The following SHANK2 variants were observed in gnomAD, a reference collection of about 807,000 sequenced individuals.
The protein encoded by SHANK2 is SH3 and multiple ankyrin repeat domains protein 2.
A neutral mutation model predicts 133.7 loss-of-function variants in SHANK2; 43 were observed. That is an observed-to-expected ratio of 0.32 (90% CI 0.25 to 0.41). SHANK2 has a LOEUF of 0.41. SHANK2 is among the 10% of genes least tolerant of loss of function. SHANK2 has a pLI of 1.00. For synonymous variants in SHANK2, 1,017 were observed against 952.8 expected (o/e 1.07, Z -1.24); for missense variants, 1,994 against 2,235.8 (o/e 0.89, Z 2.18).
intron 25 of SHANK2, among the ~76,000 whole-genome samples, chr11:70,483,636 G>A (rs559782076): frequency 3.7e-4 from 56 of 151,428 alleles, no homozygotes; most frequent in Non-Finnish European, 7.4e-5. Flanking sequence ...GATTGCTTAA[G>A]CCCAGGAGGT....
At chr11:70,839,561 C>T (rs1241252520) in intron 11 of SHANK2, among the ~76,000 whole-genome samples, 2 of 152,214 alleles carry the variant, frequency 1.3e-5, no homozygotes, top group Non-Finnish European at 2.9e-5. Flanking sequence ...GCTCCTGGAC[C>T]TGGACTTCCT....
At chr11:70,484,374 A>G (rs1474014053) in intron 25 of SHANK2, among the ~76,000 whole-genome samples, 1 of 152,076 alleles carries the variant, frequency 6.6e-6, no homozygotes, top group African/African-American at 2.4e-5. Context: ...TCATGAGATC[A>G]GGTTGTTTAA....
intron 17 of SHANK2, among the ~76,000 whole-genome samples, chr11:70,506,677 C>T (rs2059141502): frequency 6.6e-6 from 1 of 152,150 alleles, no homozygotes; most frequent in Admixed American, 6.5e-5. Context: ...CTTGGAGGGC[C>T]CTCCCTCCTG....
chr11:71,182,226 G>A (rs1319494552), intron 2 of SHANK2, among the ~76,000 whole-genome samples: 1 of 152,090 alleles, frequency 6.6e-6, no homozygotes, highest in South Asian at 2.1e-4. Context: ...CTGCTGGGAG[G>A]AGATTGTTTT....
intron 3 of SHANK2, among the ~76,000 whole-genome samples, chr11:71,145,318 G>T (rs79443672): frequency 1.3e-5 from 2 of 152,218 alleles, no homozygotes; most frequent in Non-Finnish European, 2.9e-5. Flanking sequence ...AAAAAAAGTT[G>T]CATAAAAACC....
At chr11:71,083,480 G>A (rs918258402) in intron 8 of SHANK2, among the ~76,000 whole-genome samples, 118 of 152,318 alleles carry the variant, frequency 7.7e-4, no homozygotes, top group African/African-American at 2.7e-3. Context: ...AGCTCAGAGA[G>A]GGTGGGGCAC....
At chr11:70,549,056 C>A (rs10899154) in intron 17 of SHANK2, among the ~76,000 whole-genome samples, 7 of 151,956 alleles carry the variant, frequency 4.6e-5, no homozygotes, top group Admixed American at 3.3e-4. Flanking sequence ...TGTCAGAGAC[C>A]ACGCCTCTGT....
chr11:71,115,995 A>G (rs1951971942), intron 4 of SHANK2, among the ~76,000 whole-genome samples: 2 of 152,142 alleles, frequency 1.3e-5, no homozygotes, highest in African/African-American at 4.8e-5. Flanking sequence ...CAGCTGAGTG[A>G]TTTGCTCTAA....
chr11:70,946,798 AC>A (rs1175366327), intron 10 of SHANK2, among the ~76,000 whole-genome samples: 2 of 90,738 alleles, frequency 2.2e-5, no homozygotes, highest in Non-Finnish European at 2.3e-5. Context: ...CCACTAACCA[AC>A]CCTTCCCAGA....
intron 11 of SHANK2, among the ~76,000 whole-genome samples, chr11:70,853,453 A>G (rs1424884706): frequency 6.6e-6 from 1 of 152,140 alleles, no homozygotes; most frequent in African/African-American, 2.4e-5. Context: ...TTTGAAGCGG[A>G]CTGGTGCTCA....
chr11:70,558,562 C>T, intron 17 of SHANK2, among the ~76,000 whole-genome samples: 1 of 152,226 alleles, frequency 6.6e-6, no homozygotes, highest in East Asian at 1.9e-4. Context: ...GCCTCAGTTT[C>T]CTCGTCTGTA....
chr11:71,210,409 C>T (rs1236952760), intron 2 of SHANK2, among the ~76,000 whole-genome samples: 10 of 150,804 alleles, frequency 6.6e-5, no homozygotes, highest in East Asian at 2.0e-4. Context: ...CCACCACGCC[C>T]GGCTAATTTT....
At chr11:70,813,386 C>T (rs1172517938) in intron 12 of SHANK2, among the ~76,000 whole-genome samples, 6 of 152,108 alleles carry the variant, frequency 3.9e-5, no homozygotes, top group African/African-American at 1.4e-4. Context: ...ACCAGCTCAC[C>T]CTGGATGCAG....
In SHANK2 at chr11:71,210,210, G is replaced by GTGTATATATATGTATATATATA. The variant is rs1491563939; in HGVS notation, c.-13+14486_-13+14487insTATATATATACATATATATACA. Among the ~76,000 whole-genome samples the GTGTATATATATGTATATATATA allele has an allele frequency of 5.4e-4, 29 of 54,056 alleles. 2 individuals carry two copies. The highest frequency in any genetic ancestry group is 3.8e-3 in the Admixed American group (16 of 4,180). The allele number at this position is 54,056 out of a possible 152,430, so 35.5% of individuals were successfully genotyped here. A position where few individuals can be genotyped will look rare whatever the true frequency, so the allele number is the denominator to read the frequency against. On this transcript the variant is annotated intron_variant, in intron 2 of 25. Transcript: ENST00000601538. ...GGTCCTCTTCATTGGAAATCCACAG[G>GTGTATATATATGTATATATATA]TATATATATATATATATATATATAT...
In SHANK2 at chr11:70,502,847, C is replaced by G. The variant is rs1187461109; in HGVS notation, c.2146G>C (p.Val716Leu). ...TCCAGATTCCTGGTCACCGTGACCA[C>G]CTTAAGGACCAGGTGATTCCCTCCC... ...RQGGNHLVLK[V>L]VTVTRNLDPD... Residue 716 changes from valine (V) to leucine (L), a missense_variant, in exon 18 of 26, where the codon GTG becomes CTG. This residue lies in a region of SHANK2 where 488 missense variants were observed against 642.6 expected (regional missense o/e 0.76). Coordinates refer to ENST00000601538, the MANE Select transcript of SHANK2 (RefSeq NM_012309.5). 1 of 1,613,620 alleles carries G rather than the reference C, an allele frequency of 6.2e-7. No homozygotes were observed. Among genetic ancestry groups the G allele is most frequent in the Admixed American group, 1.7e-5 (1 of 59,956 alleles).
At chr11:71,095,038 A>T (rs1223642328) in intron 6 of SHANK2, among the ~76,000 whole-genome samples, 1 of 152,232 alleles carries the variant, frequency 6.6e-6, no homozygotes, top group Non-Finnish European at 1.5e-5. Flanking sequence ...GTACAGAAGG[A>T]GTGACGGACT....
chr11:71,079,467 A>G (rs942364762), intron 8 of SHANK2, among the ~76,000 whole-genome samples: 1 of 152,302 alleles, frequency 6.6e-6, no homozygotes, highest in East Asian at 1.9e-4. Context: ...AATTTTAAAA[A>G]GAAAGTTAAT....
intron 10 of SHANK2, among the ~76,000 whole-genome samples, chr11:70,948,010 G>A (rs1555085762): frequency 6.6e-6 from 1 of 152,012 alleles, no homozygotes; most frequent in African/African-American, 2.4e-5. Context: ...CAGTCTCCTG[G>A]CTGCTTCCCA....
intron 17 of SHANK2, among the ~76,000 whole-genome samples, chr11:70,518,183 G>A (rs953260571): frequency 1.3e-5 from 2 of 152,122 alleles, no homozygotes; most frequent in South Asian, 2.1e-4. Flanking sequence ...CCCCTGGGGC[G>A]ATCATATCCC....
Sources: allele counts gnomAD v4.1 joint callset (sites outside exome capture counted in the v4.1 genomes callset), GRCh38; gene constraint gnomAD v4.1.1; regional missense constraint gnomAD v4.1.1; transcripts MANE v1.5; gene names NCBI Gene and HGNC (gene_info 2026-07-23, HGNC 2026-07-21).